MARK2: variants seen among roughly 807,000 people sequenced by gnomAD.
MARK2 encodes microtubule affinity regulating kinase 2.
Under a neutral mutation model 89.8 loss-of-function variants are expected in MARK2, and 16 were observed. That is an observed-to-expected ratio of 0.18 (90% CI 0.12 to 0.27). MARK2 has a LOEUF of 0.27. MARK2 is among the 10% of genes least tolerant of loss of function. MARK2 has a pLI of 1.00. For synonymous variants in MARK2, 382 were observed against 399.5 expected (o/e 0.96, Z 0.52); for missense variants, 621 against 1,049.9 (o/e 0.59, Z 5.65).
chr11:63,886,149 G>A (rs974284895), intron 1 of MARK2, among the ~76,000 whole-genome samples: 94 of 150,996 alleles, frequency 6.2e-4, no homozygotes, highest in Admixed American at 2.8e-3. Context: ...AAAAAGAGAC[G>A]AGAGTCTAAT....
chr11:63,901,722 G>GTA (rs1213744444), intron 11 of MARK2, among the ~76,000 whole-genome samples: 1 of 150,488 alleles, frequency 6.6e-6, no homozygotes, highest in Admixed American at 6.6e-5. Flanking sequence ...GTGTGTGTGT[G>GTA]TATGTGTCCG....
chr11:63,868,323 C>A (rs999676676), intron 1 of MARK2: 2 of 152,366 alleles, frequency 1.3e-5, no homozygotes, highest in Admixed American at 6.5e-5. Flanking sequence ...GACCTTGTCT[C>A]AAAAAAATAA....
intron 1 of MARK2, among the ~76,000 whole-genome samples, chr11:63,852,049 T>C (rs2016598507): frequency 6.6e-6 from 1 of 152,246 alleles, no homozygotes; most frequent in South Asian, 2.1e-4. Flanking sequence ...ATTCTGTTCA[T>C]AGTAACGTTA....
Position 63,900,752 on chromosome 11 carries a change from T to C in MARK2, c.889-28T>C, listed in dbSNP as rs1284391258. The C allele has an allele frequency of 3.7e-6, 6 of 1,613,790 alleles. No individual in the cohort carries two copies. The highest frequency in any genetic ancestry group is 1.7e-5 in the Admixed American group (1 of 60,014). On this transcript the variant is annotated intron_variant, in intron 9 of 18. Coordinates refer to ENST00000402010, the MANE Select transcript of MARK2 (RefSeq NM_001039469.3). The surrounding 1 kb of genome is among the most constrained non-coding windows in gnomAD (Gnocchi z 4.7). ...ACTTTCCAGCTGAGTTTCTTCCCCC[T>C]GCCCTTTTCCTTCTCTGTGCTCCCC...
Position 63,902,892 on chromosome 11 carries a change from A to G in MARK2, c.1416+110A>G. ...TTCCCTTTGGCTACTACTTCTGCTT[A>G]TAGCAGGAAGCCTCGCTCCCAGCAG... On this transcript the variant is annotated intron_variant, in intron 13 of 18. Transcript: ENST00000402010. This position sits in a 1 kb window ranked among gnomAD's most constrained non-coding sequence, Gnocchi z 4.2. 2 of 1,115,278 alleles carry G rather than the reference A, an allele frequency of 1.8e-6. No homozygotes were observed. Among genetic ancestry groups the G allele is most frequent in the Non-Finnish European group, 2.7e-6 (2 of 753,730 alleles). The allele number at this position is 1,115,278 out of a possible 1,614,324, so 69.1% of individuals were successfully genotyped here.
intron 1 of MARK2, among the ~76,000 whole-genome samples, chr11:63,877,398 A>G (rs889582899): frequency 6.6e-6 from 1 of 152,184 alleles, no homozygotes; most frequent in Admixed American, 6.5e-5. Flanking sequence ...GGCGTGAGCC[A>G]CTGCACCCAG....
intron 1 of MARK2, among the ~76,000 whole-genome samples, chr11:63,892,697 C>T (rs1014502361): frequency 6.7e-6 from 1 of 148,738 alleles, no homozygotes; most frequent in African/African-American, 2.5e-5. Flanking sequence ...TAAACCAGGG[C>T]GCTAATCAGG....
intron 1 of MARK2, among the ~76,000 whole-genome samples, chr11:63,876,058 A>T (rs1478724499): frequency 1.3e-5 from 2 of 152,182 alleles, no homozygotes; most frequent in African/African-American, 2.4e-5. Flanking sequence ...CTAGGGCGGG[A>T]TGTGTGTGTT....
intron 4 of MARK2, 100 bp from the exon 5 acceptor site, chr11:63,898,508 G>C (rs1175918501): frequency 2.0e-6 from 2 of 997,110 alleles, no homozygotes; most frequent in African/African-American, 3.2e-5. Context: ...ATCATGAAAG[G>C]AGGGGAGACT....
chr11:63,846,589 C>T (rs980549217), intron 1 of MARK2, among the ~76,000 whole-genome samples: 7 of 151,674 alleles, frequency 4.6e-5, no homozygotes, highest in Middle Eastern at 3.4e-3. Flanking sequence ...CTCATGACCT[C>T]GTGATCTGCC....
chr11:63,857,046 C>T (rs905280481), intron 1 of MARK2, among the ~76,000 whole-genome samples: 3 of 151,008 alleles, frequency 2.0e-5, no homozygotes, highest in South Asian at 2.1e-4. Context: ...CTCCTGACCT[C>T]ATGATCCGCC....
chr11:63,892,476 T>C (rs1056481340), intron 1 of MARK2, among the ~76,000 whole-genome samples: 3 of 152,112 alleles, frequency 2.0e-5, no homozygotes, highest in African/African-American at 7.2e-5. Flanking sequence ...ATTCTTTTTT[T>C]CTCTGTGGTT....
intron 1 of MARK2, among the ~76,000 whole-genome samples, chr11:63,853,083 T>C (rs2016652899): frequency 6.6e-6 from 1 of 152,190 alleles, no homozygotes. Context: ...AGTGCCGCTT[T>C]AAATGTTACC....
chr11:63,879,407 C>T (rs1938962975), intron 1 of MARK2, among the ~76,000 whole-genome samples: 3 of 152,136 alleles, frequency 2.0e-5, no homozygotes, highest in Admixed American at 2.0e-4. Context: ...AAGAAGCACC[C>T]TCCTCTTCCC....
At chr11:63,881,967 A>C (rs1310960963) in intron 1 of MARK2, among the ~76,000 whole-genome samples, 3 of 152,232 alleles carry the variant, frequency 2.0e-5, no homozygotes, top group South Asian at 4.1e-4. Context: ...CAAAAGAAGA[A>C]GAAATGAAGA....
At chr11:63,867,802 C>G (rs1938217487) in intron 1 of MARK2, among the ~76,000 whole-genome samples, 1 of 152,134 alleles carries the variant, frequency 6.6e-6, no homozygotes, top group African/African-American at 2.4e-5. Context: ...CAGGTCCTAG[C>G]TGGAAGTGAC....
intron 1 of MARK2, among the ~76,000 whole-genome samples, chr11:63,847,316 A>G (rs2016334848): frequency 6.6e-6 from 1 of 152,178 alleles, no homozygotes; most frequent in Non-Finnish European, 1.5e-5. Flanking sequence ...AAATGAACAG[A>G]AGATTTGGTA....
Position 63,856,172 on chromosome 11 carries a change from C to T in MARK2, c.54+16612C>T, listed in dbSNP as rs570122837. Among the ~76,000 whole-genome samples, 20 of 152,276 alleles carry T rather than the reference C, an allele frequency of 1.3e-4. No homozygotes were observed. The South Asian group carries it at 3.9e-3, about 30-fold the overall frequency. Reference sequence around the variant, plus strand: ...TTCCCAGCCCCAGTATAATCCCTGCCTGGGCCTCAAAGAGGCATTCAGTAC... The same window carrying T: ...TTCCCAGCCCCAGTATAATCCCTGCTTGGGCCTCAAAGAGGCATTCAGTAC... On this transcript the variant is annotated intron_variant, in intron 1 of 18. Transcript: ENST00000402010.
chr11:63,906,143 G>A, intron 17 of MARK2, 29 bp downstream of exon 17: 1 of 1,295,624 alleles, frequency 7.7e-7, no homozygotes, highest in Non-Finnish European at 9.8e-7. Flanking sequence ...GTGTGTGTGT[G>A]TGTGTGTGTG....
Sources: allele counts gnomAD v4.1 joint callset (sites outside exome capture counted in the v4.1 genomes callset), GRCh38; gene constraint gnomAD v4.1.1; non-coding constraint Gnocchi (gnomAD v3.1); transcripts MANE v1.5; gene names NCBI Gene and HGNC (gene_info 2026-07-23, HGNC 2026-07-21).